PTPRO: variants seen among roughly 807,000 people sequenced by gnomAD.
The protein encoded by PTPRO is receptor-type tyrosine-protein phosphatase O.
In PTPRO, 62 loss-of-function variants were observed where a neutral mutation model predicts 145.2. The observed-to-expected ratio is 0.43, with a 90% CI of 0.35 to 0.53. The LOEUF is 0.53. Among genes scored for constraint, PTPRO ranks in the 20% least tolerant of loss-of-function variants. The pLI is 0.01. For missense variants in PTPRO, 1,345 were observed against 1,482.7 expected, an observed-to-expected ratio of 0.91 and a Z score of 1.53; for synonymous variants, 565 against 514.7, an observed-to-expected ratio of 1.10 and a Z score of -1.32.
intron 1 of PTPRO, among the ~76,000 whole-genome samples, chr12:15,453,327 G>T (rs1167928018): frequency 6.6e-6 from 1 of 151,830 alleles, no homozygotes; most frequent in African/African-American, 2.4e-5. Flanking sequence ...TCAAAAAAAA[G>T]AAAAGAAAAG....
At chr12:15,346,060 C>T (rs779747706) in intron 1 of PTPRO, among the ~76,000 whole-genome samples, 5 of 152,152 alleles carry the variant, frequency 3.3e-5, no homozygotes, top group Non-Finnish European at 5.9e-5. Context: ...CCTTGATCAT[C>T]TTTCTTTAAA....
chr12:15,414,404 C>A (rs957863479), intron 1 of PTPRO, among the ~76,000 whole-genome samples: 1 of 152,174 alleles, frequency 6.6e-6, no homozygotes, highest in African/African-American at 2.4e-5. Context: ...GCAGGTCCTC[C>A]ACAAATGTTT....
chr12:15,476,371 A>G (rs1941653896), intron 1 of PTPRO, among the ~76,000 whole-genome samples: 1 of 152,090 alleles, frequency 6.6e-6, no homozygotes, highest in Non-Finnish European at 1.5e-5. Context: ...TTCCTTAAAA[A>G]ATGCATTGTT....
At chr12:15,359,449 G>A (rs1475124627) in intron 1 of PTPRO, among the ~76,000 whole-genome samples, 1 of 132,560 alleles carries the variant, frequency 7.5e-6, no homozygotes, top group Non-Finnish European at 1.6e-5. Flanking sequence ...TTTTGAGATG[G>A]AGTCTCACTC....
chr12:15,526,415 G>A (rs905780326), intron 12 of PTPRO, among the ~76,000 whole-genome samples, 153 bp downstream of exon 12: 4 of 152,178 alleles, frequency 2.6e-5, no homozygotes, highest in Non-Finnish European at 5.9e-5. Flanking sequence ...AAAAGGGTAT[G>A]TTCAACTTGG....
At chr12:15,390,050 A>G (rs999762235) in intron 1 of PTPRO, among the ~76,000 whole-genome samples, 1 of 152,210 alleles carries the variant, frequency 6.6e-6, no homozygotes, top group African/African-American at 2.4e-5. Flanking sequence ...AAAAATTCAA[A>G]TCATGCTATT....
chr12:15,520,142 T>G (rs1288223595), intron 9 of PTPRO, 59 bp from the exon 10 acceptor site: 2 of 1,149,556 alleles, frequency 1.7e-6, no homozygotes, highest in African/African-American at 3.0e-5. Flanking sequence ...GTAAGTCTAC[T>G]CCAAAAATAG....
At chr12:15,524,729 C>A in intron 10 of PTPRO, 85 bp from the exon 11 acceptor site, 1 of 1,430,024 alleles carries the variant, frequency 7.0e-7, no homozygotes, top group Non-Finnish European at 9.8e-7. Flanking sequence ...GCTAAGTTGA[C>A]TCTATATGGG....
chr12:15,488,012 G>C (rs76066608), intron 2 of PTPRO, among the ~76,000 whole-genome samples: 1 of 152,026 alleles, frequency 6.6e-6, no homozygotes, highest in Non-Finnish European at 1.5e-5. Context: ...ATAGTGTGTC[G>C]CCTCTCTCCA....
intron 1 of PTPRO, chr12:15,337,525 C>A (rs924369476): frequency 2.0e-5 from 3 of 152,146 alleles, no homozygotes; most frequent in Non-Finnish European, 4.4e-5. Flanking sequence ...GTTCCTCGCC[C>A]ATCTCACTCA....
chr12:15,453,395 T>C (rs1010486742), intron 1 of PTPRO, among the ~76,000 whole-genome samples: 1 of 152,184 alleles, frequency 6.6e-6, no homozygotes, highest in African/African-American at 2.4e-5. Context: ...TATGAATTTA[T>C]ATTGAGTCTT....
At chr12:15,399,113 A>G (rs1401960633) in intron 1 of PTPRO, among the ~76,000 whole-genome samples, 3 of 152,206 alleles carry the variant, frequency 2.0e-5, no homozygotes, top group Non-Finnish European at 2.9e-5. Context: ...TACTAAATAC[A>G]TAGTGTTTCA....
At chr12:15,437,207 C>T (rs1940620520) in intron 1 of PTPRO, among the ~76,000 whole-genome samples, 2 of 151,404 alleles carry the variant, frequency 1.3e-5, no homozygotes, top group Admixed American at 1.3e-4. Flanking sequence ...CACCTACCCT[C>T]CTTGTGCAAA....
chr12:15,547,708 C>G (rs1378604483), intron 13 of PTPRO, among the ~76,000 whole-genome samples: 2 of 152,150 alleles, frequency 1.3e-5, no homozygotes, highest in Non-Finnish European at 2.9e-5. Context: ...TTCTCTATAA[C>G]TACAGTGATG....
intron 4 of PTPRO, among the ~76,000 whole-genome samples, chr12:15,500,413 G>A (rs961666849): frequency 6.6e-6 from 1 of 152,104 alleles, no homozygotes; most frequent in African/African-American, 2.4e-5. Context: ...ATTATTCAAT[G>A]TAAGTAGAAA....
chr12:15,540,235 T>A (rs1042995865), intron 12 of PTPRO, among the ~76,000 whole-genome samples: 8 of 152,246 alleles, frequency 5.3e-5, no homozygotes, highest in African/African-American at 1.9e-4. Context: ...TTTGGCCAAG[T>A]CGAATATACT....
intron 8 of PTPRO, 69 bp downstream of exon 8, chr12:15,515,687 C>A (rs576450204): frequency 5.0e-6 from 8 of 1,588,326 alleles, no homozygotes; most frequent in Admixed American, 1.7e-5. Context: ...GTGCAATGTG[C>A]GAGCTCAAAT....
intron 1 of PTPRO, among the ~76,000 whole-genome samples, chr12:15,393,588 C>T (rs964950250): frequency 2.0e-5 from 3 of 151,332 alleles, no homozygotes; most frequent in Non-Finnish European, 4.4e-5. Flanking sequence ...TTCCATAATT[C>T]TCTGTTATAG....
At chr12:15,384,932 A>C (rs1263644952) in intron 1 of PTPRO, among the ~76,000 whole-genome samples, 11 of 152,190 alleles carry the variant, frequency 7.2e-5, no homozygotes, top group Non-Finnish European at 1.2e-4. Context: ...TATCCTTGTC[A>C]TTTTCAGATA....
Sources: allele counts gnomAD v4.1 joint callset (sites outside exome capture counted in the v4.1 genomes callset), GRCh38; gene constraint gnomAD v4.1.1; transcripts MANE v1.5; gene names NCBI Gene and HGNC (gene_info 2026-07-23, HGNC 2026-07-21).